RERG: variants seen among roughly 807,000 people sequenced by gnomAD.
RERG encodes the protein ras-related and estrogen-regulated growth inhibitor.
A neutral mutation model predicts 23.2 loss-of-function variants in RERG; 25 were observed. That is an observed-to-expected ratio of 1.08 (90% CI 0.79 to 1.50). RERG has a LOEUF of 1.50. Ranked by LOEUF, RERG falls within the 40% of genes most tolerant of loss-of-function variation. RERG has a pLI of 0.00. For missense variants in RERG, 253 were observed against 250.1 expected (o/e 1.01, Z -0.08); for synonymous variants, 81 against 89.1 (o/e 0.91, Z 0.51).
At chr12:15,120,128 A>T (rs995771500) in intron 3 of RERG, among the ~76,000 whole-genome samples, 6 of 152,148 alleles carry the variant, frequency 3.9e-5, no homozygotes, top group Middle Eastern at 3.2e-3. Context: ...GATTTAGACA[A>T]AAATGTTGGG....
At chr12:15,140,936 A>AT (rs1222955917) in intron 2 of RERG, among the ~76,000 whole-genome samples, 1 of 151,802 alleles carries the variant, frequency 6.6e-6, no homozygotes, top group Non-Finnish European at 1.5e-5. Flanking sequence ...TAGATGTGTG[A>AT]TTTGGTAGTT....
In RERG at chr12:15,158,847, A is replaced by ATTATT. The variant is rs572557093; in HGVS notation, c.62-37733_62-37729dup. Among the ~76,000 whole-genome samples the ATTATT allele has an allele frequency of 1.8e-3, 274 of 152,174 alleles. 2 individuals are homozygous for ATTATT. The highest frequency in any genetic ancestry group is 6.2e-3 in the African/African-American group (258 of 41,508). Reference sequence around the variant, plus strand: ...ATGAACTTTATTTTATTAAGGTGGCATTATTTTATTTTATTTTATTAAGGT... The same window carrying ATTATT: ...ATGAACTTTATTTTATTAAGGTGGCATTATTTTATTTTATTTTATTTTATTAAGGT... On this transcript the variant is annotated intron_variant, in intron 2 of 4. Coordinates refer to ENST00000256953, the MANE Select transcript of RERG (RefSeq NM_032918.3).
At chr12:15,220,540 T>C (rs77051046) in intron 1 of RERG, among the ~76,000 whole-genome samples, 2 of 129,298 alleles carry the variant, frequency 1.5e-5, no homozygotes, top group Admixed American at 1.5e-4. Flanking sequence ...TACTTACTTA[T>C]TTAAAGAAAG....
chr12:15,126,127 C>CAATATATATATA (rs1175601997), intron 2 of RERG, among the ~76,000 whole-genome samples: 1 of 34,550 alleles, frequency 2.9e-5, no homozygotes, highest in Non-Finnish European at 6.0e-5. Context: ...GTTGTATATA[C>CAATATATATATA]CATATATATA....
At chr12:15,184,839 A>C (rs560305490) in intron 2 of RERG, among the ~76,000 whole-genome samples, 1 of 152,296 alleles carries the variant, frequency 6.6e-6, no homozygotes, top group African/African-American at 2.4e-5. Context: ...GGTCTCTCAT[A>C]GATTGCATAA....
At chr12:15,167,887 C>CTGAA (rs1348720648) in intron 2 of RERG, among the ~76,000 whole-genome samples, 5 of 152,112 alleles carry the variant, frequency 3.3e-5, no homozygotes, top group Non-Finnish European at 7.4e-5. Context: ...AAAAGGCTTT[C>CTGAA]AGGTTGGTGA....
chr12:15,109,022 A>G lies in RERG; in HGVS notation c.*88T>C, dbSNP rs1423533118. On this transcript the variant is annotated 3_prime_UTR_variant, in exon 5 of 5. Transcript: ENST00000256953. The stretch of plus-strand genomic sequence containing the variant: ...CCCAGACATTTCTCAGAATCCAAAC[A>G]AAGAATGCAATATTTTGTTTTATTT... The G allele has an allele frequency of 7.7e-7, 1 of 1,297,306 alleles. No individual in the cohort carries two copies. The highest frequency in any genetic ancestry group is 2.4e-5 in the East Asian group (1 of 42,158). 80.4% of individuals were successfully genotyped at this position (1,297,306 alleles called of 1,614,324 possible).
At chr12:15,203,469 T>G (rs188751532) in intron 2 of RERG, among the ~76,000 whole-genome samples, 23 of 151,780 alleles carry the variant, frequency 1.5e-4, no homozygotes, top group Admixed American at 1.4e-3. Context: ...AACATTATAC[T>G]CAATGTTGAA....
chr12:15,115,020 C>T lies in RERG; in HGVS notation c.119-3603G>A, dbSNP rs190454664. Among the ~76,000 whole-genome samples the T allele has an allele frequency of 8.6e-5, 13 of 151,884 alleles. No homozygotes were observed. In the East Asian group the frequency reaches 1.9e-3, roughly 23 times the overall value. On this transcript the variant is annotated intron_variant, in intron 3 of 4. Transcript: ENST00000256953. ...TTAAATGTGGCATAGTAAAGAATAC[C>T]GTGTAGAAGACTAGAAGTAAATATG... is the stretch of plus-strand genomic sequence containing the variant.
intron 1 of RERG, 72 bp from the exon 2 acceptor site, chr12:15,217,675 A>C: frequency 1.8e-6 from 1 of 544,610 alleles, no homozygotes; most frequent in Non-Finnish European, 3.3e-6. Context: ...CATCTACTAT[A>C]TGCCAGCCAC....
intron 2 of RERG, among the ~76,000 whole-genome samples, chr12:15,148,969 T>C (rs1165499595): frequency 2.1e-5 from 3 of 142,122 alleles, no homozygotes; most frequent in Non-Finnish European, 4.6e-5. Context: ...CCTGGGTTCA[T>C]GCCATTCTCC....
chr12:15,186,445 AGGT>A (rs1864992153), intron 2 of RERG, among the ~76,000 whole-genome samples: 1 of 152,098 alleles, frequency 6.6e-6, no homozygotes, highest in Non-Finnish European at 1.5e-5. Flanking sequence ...TACTCAGAAG[AGGT>A]TAAAAGGAAG....
chr12:15,137,807 A>G (rs574055632), intron 2 of RERG: 149 of 429,820 alleles, frequency 3.5e-4, no homozygotes, highest in Non-Finnish European at 5.8e-4. Flanking sequence ...TAAGAGTAAG[A>G]AAAATTAAAG....
intron 2 of RERG, among the ~76,000 whole-genome samples, chr12:15,190,163 T>C (rs1865049448): frequency 6.6e-6 from 1 of 152,136 alleles, no homozygotes; most frequent in African/African-American, 2.4e-5. Context: ...GTAAGGGACA[T>C]AAGAAAGCAT....
intron 2 of RERG, among the ~76,000 whole-genome samples, chr12:15,212,692 A>C (rs1865385376): frequency 6.6e-6 from 1 of 152,200 alleles, no homozygotes; most frequent in Admixed American, 6.5e-5. Flanking sequence ...ATGTAGTTCT[A>C]TAGCATAAGA....
intron 2 of RERG, among the ~76,000 whole-genome samples, chr12:15,146,438 C>T (rs554254395): frequency 6.6e-6 from 1 of 152,236 alleles, no homozygotes; most frequent in Non-Finnish European, 1.5e-5. Flanking sequence ...TTCTGATTTG[C>T]ATGATAAATT....
intron 2 of RERG, among the ~76,000 whole-genome samples, chr12:15,140,455 A>C (rs1332485916): frequency 6.6e-6 from 1 of 151,604 alleles, no homozygotes; most frequent in Non-Finnish European, 1.5e-5. Flanking sequence ...TTAAAAAATA[A>C]GAAACAAAAG....
At chr12:15,126,724 C>CTTTTTTTTTTTTT (rs71042228) in intron 2 of RERG, among the ~76,000 whole-genome samples, 4 of 132,466 alleles carry the variant, frequency 3.0e-5, no homozygotes, top group Non-Finnish European at 6.3e-5. Flanking sequence ...CTTTTTCTTT[C>CTTTTTTTTTTTTT]TTTTTTTTTT....
chr12:15,190,869 C>T (rs1865061260), intron 2 of RERG, among the ~76,000 whole-genome samples: 1 of 152,108 alleles, frequency 6.6e-6, no homozygotes, highest in Non-Finnish European at 1.5e-5. Flanking sequence ...TTCAAGGTCC[C>T]AGTTGGGATT....
Sources: gnomAD v4.1 joint callset for allele counts (sites outside exome capture counted in the v4.1 genomes callset) on GRCh38, gnomAD v4.1.1 for gene constraint, MANE v1.5 for transcripts, NCBI Gene and HGNC (gene_info 2026-07-23, HGNC 2026-07-21) for gene names.